The following TMC2 variants were observed in gnomAD, a reference collection of about 807,000 sequenced individuals.
The protein encoded by TMC2 is transmembrane channel-like protein 2.
TMC2 carries 102 observed loss-of-function variants against 105.9 expected under a neutral mutation model. That is an observed-to-expected ratio of 0.96 (90% CI 0.82 to 1.14). The LOEUF is 1.14. TMC2 is among the 50% of genes most tolerant of loss of function. The pLI is 0.00. For synonymous variants in TMC2, 402 were observed against 422.8 expected, an observed-to-expected ratio of 0.95 and a Z score of 0.60; for missense variants, 1,093 against 1,134.3, an observed-to-expected ratio of 0.96 and a Z score of 0.52.
intron 9 of TMC2, among the ~76,000 whole-genome samples, chr20:2,595,322 T>C (rs1178233794): frequency 6.6e-6 from 1 of 152,182 alleles, no homozygotes; most frequent in Non-Finnish European, 1.5e-5. Context: ...AGAGGGAGCA[T>C]AGTACCTAGT....
intron 4 of TMC2, among the ~76,000 whole-genome samples, chr20:2,566,367 A>C (rs755254657): frequency 3.3e-5 from 5 of 152,192 alleles, no homozygotes; most frequent in Non-Finnish European, 5.9e-5. Flanking sequence ...CTGAGCCCTG[A>C]GAGATGAGGT....
At chr20:2,579,541 C>T (rs557864262) in intron 6 of TMC2, among the ~76,000 whole-genome samples, 1 of 152,026 alleles carries the variant, frequency 6.6e-6, no homozygotes, top group South Asian at 2.1e-4. Flanking sequence ...TCTGTCTCAA[C>T]CTCCTGAGTA....
rs1014707583 is a variant in TMC2 at position 2,554,341 on chromosome 20, T to C, written c.83-4115T>C. Among the ~76,000 whole-genome samples the C allele has an allele frequency of 5.9e-5, 9 of 152,210 alleles. No homozygotes were observed. The South Asian group carries it at 8.3e-4, about 14-fold the overall frequency. Reference sequence around the variant, plus strand: ...AATGTATGTTTTCTCACCTTTGTTCTTGGTTAGCCTGGCTAGAGGGTCATC... The same window carrying C: ...AATGTATGTTTTCTCACCTTTGTTCCTGGTTAGCCTGGCTAGAGGGTCATC... On this transcript the variant is annotated intron_variant, in intron 2 of 19. Transcript: ENST00000358864.
chr20:2,617,327 T>G lies in TMC2; in HGVS notation c.2180+16T>G, dbSNP rs1387537025. ...GGCCGTTCAGGTGCAGAGTCTCAGT[T>G]GCCCGGGAGCACCTCCCCTCCCGAG... On this transcript the variant is annotated intron_variant, in intron 16 of 19. Coordinates refer to ENST00000358864, the MANE Select transcript of TMC2 (RefSeq NM_080751.3). 3 of 1,613,928 alleles carry G rather than the reference T, an allele frequency of 1.9e-6. No homozygotes were observed.
At chr20:2,560,998 T>C (rs544890313) in intron 3 of TMC2, among the ~76,000 whole-genome samples, 2 of 152,322 alleles carry the variant, frequency 1.3e-5, no homozygotes, top group African/African-American at 2.4e-5. Flanking sequence ...TGACAGCCAC[T>C]AGCTGCATGT....
intron 2 of TMC2, among the ~76,000 whole-genome samples, chr20:2,538,686 A>G (rs909825772): frequency 6.6e-6 from 1 of 152,126 alleles, no homozygotes; most frequent in Non-Finnish European, 1.5e-5. Context: ...ACCCTTTCCT[A>G]CTGAAATATT....
intron 3 of TMC2, among the ~76,000 whole-genome samples, chr20:2,560,716 A>G (rs992486915): frequency 6.6e-6 from 1 of 152,070 alleles, no homozygotes; most frequent in Non-Finnish European, 1.5e-5. Flanking sequence ...GGGTGCCTGT[A>G]GTGCCAGCTA....
intron 19 of TMC2, among the ~76,000 whole-genome samples, chr20:2,639,749 G>A (rs576978806): frequency 2.0e-4 from 31 of 152,226 alleles, no homozygotes; most frequent in African/African-American, 4.3e-4. Flanking sequence ...ATTGCTCCTC[G>A]GCCTTTTGGC....
intron 17 of TMC2, among the ~76,000 whole-genome samples, chr20:2,625,363 C>G (rs563863459): frequency 6.6e-6 from 1 of 152,360 alleles, no homozygotes; most frequent in Non-Finnish European, 1.5e-5. Context: ...TACAGATGCA[C>G]TTCAAGCCCC....
intron 3 of TMC2, among the ~76,000 whole-genome samples, chr20:2,559,612 G>C (rs889124607): frequency 6.6e-6 from 1 of 152,088 alleles, no homozygotes; most frequent in Non-Finnish European, 1.5e-5. Flanking sequence ...GTTCTTTCCC[G>C]GTGGTTTGTA....
At position 2,579,975 on chromosome 20, in the gene TMC2, G is replaced by A. The variant is rs140255246; in HGVS notation, c.753G>A (p.Ser251=). 22 of 1,613,674 alleles carry A rather than the reference G, an allele frequency of 1.4e-5. No homozygotes were observed. The highest frequency in any genetic ancestry group is 9.3e-5 in the African/African-American group (7 of 74,974). The change falls in exon 7 of 20, where the codon TCG becomes TCA. Residue 251 remains serine (S), a synonymous_variant. Transcript: ENST00000358864. The stretch of plus-strand genomic sequence containing the variant: ...GTCACTTTGGTTCTTCAGTGGCATC[G>A]TATTTCATCTTTCTCCGATGGATGT... The part of the protein sequence containing the change: ...IESHFGSSVA[S]YFIFLRWMYG...
intron 8 of TMC2, among the ~76,000 whole-genome samples, chr20:2,593,282 A>G (rs557668410): frequency 4.2e-4 from 64 of 152,286 alleles, no homozygotes; most frequent in African/African-American, 1.5e-3. Context: ...ACCTCCCACC[A>G]GGTCCCTCCC....
intron 17 of TMC2, among the ~76,000 whole-genome samples, chr20:2,625,957 A>G (rs1252851397): frequency 6.6e-6 from 1 of 152,224 alleles, no homozygotes; most frequent in Non-Finnish European, 1.5e-5. Context: ...CCAATATCTG[A>G]ACCACCTGGG....
intron 2 of TMC2, among the ~76,000 whole-genome samples, chr20:2,542,822 G>A (rs2085898862): frequency 6.6e-6 from 1 of 151,458 alleles, no homozygotes; most frequent in Admixed American, 6.6e-5. Flanking sequence ...CTCCCGAGTA[G>A]CTGGGACTAC....
chr20:2,635,894 G>A (rs1371229512), intron 17 of TMC2, 32 bp from the exon 18 acceptor site: 7 of 1,575,868 alleles, frequency 4.4e-6, no homozygotes, highest in South Asian at 2.2e-5. Context: ...CCAAGATCAC[G>A]GGACCATAGG....
chr20:2,629,133 C>T (rs1434714442), intron 17 of TMC2, among the ~76,000 whole-genome samples: 1 of 152,064 alleles, frequency 6.6e-6, no homozygotes, highest in Non-Finnish European at 1.5e-5. Flanking sequence ...TACAGTCACC[C>T]TATGAGTGTA....
chr20:2,617,116 T>C lies in TMC2; in HGVS notation c.1985T>C (p.Leu662Pro), dbSNP rs1468337730. ...CCAGGCCTGGTGGGCATTAATGTGC[T>C]GCGCCTGCTGACCTCCATGTACTTC... The part of the protein sequence containing the change: ...YAPGLVGINV[L>P]RLLTSMYFQC... The change falls in exon 16 of 20, where the codon CTG becomes CCG. Residue 662 changes from leucine (L) to proline (P), a missense_variant. Transcript: ENST00000358864. 1 of 1,614,130 alleles carries C rather than the reference T, an allele frequency of 6.2e-7. No homozygotes were observed. Among genetic ancestry groups the C allele is most frequent in the Non-Finnish European group, 8.5e-7 (1 of 1,180,042 alleles).
chr20:2,567,843 G>A (rs1032938472), intron 4 of TMC2, among the ~76,000 whole-genome samples: 1 of 152,124 alleles, frequency 6.6e-6, no homozygotes, highest in African/African-American at 2.4e-5. Context: ...TACAATAACT[G>A]AAATTTTTAA....
intron 19 of TMC2, among the ~76,000 whole-genome samples, chr20:2,639,525 TAA>T (rs1394894588): frequency 1.3e-5 from 2 of 152,230 alleles, no homozygotes; most frequent in East Asian, 3.8e-4. Flanking sequence ...CCTATGTGTA[TAA>T]CAGGCCATGC....
Sources: gnomAD v4.1 joint callset for allele counts (sites outside exome capture counted in the v4.1 genomes callset) on GRCh38, gnomAD v4.1.1 for gene constraint, MANE v1.5 for transcripts, NCBI Gene and HGNC (gene_info 2026-07-23, HGNC 2026-07-21) for gene names.